Variants in RABGEF1 observed in about 807,000 individuals in gnomAD.
RABGEF1 encodes the protein RAB guanine nucleotide exchange factor 1.
Under a neutral mutation model 57.3 loss-of-function variants are expected in RABGEF1, and 26 were observed. That is an observed-to-expected ratio of 0.45 (90% CI 0.33 to 0.63). The LOEUF is 0.63. RABGEF1 is among the 20% of genes least tolerant of loss of function. RABGEF1 has a pLI of 0.02. For missense variants in RABGEF1, 464 were observed against 607.6 expected, an observed-to-expected ratio of 0.76 and a Z score of 2.48; for synonymous variants, 185 against 210.7, an observed-to-expected ratio of 0.88 and a Z score of 1.06.
At chr7:66,703,928 G>C (rs1421099794) in intron 1 of RABGEF1, among the ~76,000 whole-genome samples, 2 of 152,144 alleles carry the variant, frequency 1.3e-5, no homozygotes, top group African/African-American at 4.8e-5. Context: ...ATGAACATGG[G>C]ACGCTTTCCC....
At chr7:66,758,085 C>T (rs536335657) in intron 1 of RABGEF1, among the ~76,000 whole-genome samples, 62 of 152,218 alleles carry the variant, frequency 4.1e-4, no homozygotes, top group African/African-American at 1.5e-3. Context: ...TGGATGTTTC[C>T]TGTAAGTCCC....
At chr7:66,732,282 C>T (rs569183654) in intron 2 of RABGEF1, among the ~76,000 whole-genome samples, 161 of 152,288 alleles carry the variant, frequency 1.1e-3, no homozygotes, top group African/African-American at 3.6e-3. Context: ...GGACACGGAG[C>T]CTCATTGAGC....
At chr7:66,707,893 C>T (rs904335658) in intron 1 of RABGEF1, among the ~76,000 whole-genome samples, 3 of 151,770 alleles carry the variant, frequency 2.0e-5, no homozygotes, top group African/African-American at 7.3e-5. Flanking sequence ...TTTTTTTTGT[C>T]TTAAAGCCAA....
intron 1 of RABGEF1, among the ~76,000 whole-genome samples, chr7:66,759,543 A>G (rs1481134106): frequency 2.0e-5 from 3 of 152,180 alleles, no homozygotes; most frequent in Admixed American, 6.5e-5. Flanking sequence ...AGTAATTTAT[A>G]AAGAAAGGAG....
chr7:66,768,334 C>A (rs539670802), intron 1 of RABGEF1, among the ~76,000 whole-genome samples: 1 of 152,190 alleles, frequency 6.6e-6, no homozygotes, highest in Non-Finnish European at 1.5e-5. Context: ...GTGTATATAT[C>A]TTCTTTGTTA....
Position 66,760,442 on chromosome 7 carries a change from A to T in RABGEF1, c.-17-11441A>T, listed in dbSNP as rs374972845. ...TCCCTTGTAAAGTTGGTTAGCATGT[A>T]TTTTTTTTTTTTTTTTTTGGAGACA... On this transcript the variant is annotated intron_variant, in intron 1 of 8. Transcript: ENST00000284957. Among the ~76,000 whole-genome samples the T allele has an allele frequency of 2.5e-3, 320 of 126,098 alleles. 2 individuals are homozygous for T. Among genetic ancestry groups the T allele is most frequent in the African/African-American group, 8.6e-3 (293 of 34,128 alleles). 82.7% of individuals were successfully genotyped at this position (126,098 alleles called of 152,430 possible). A position where few individuals can be genotyped will look rare whatever the true frequency, so the allele number is the denominator to read the frequency against.
At chr7:66,761,495 T>C (rs1202766810) in intron 1 of RABGEF1, among the ~76,000 whole-genome samples, 1 of 152,182 alleles carries the variant, frequency 6.6e-6, no homozygotes, top group Non-Finnish European at 1.5e-5. Context: ...TGGGGGAAGG[T>C]GCAGAACTTC....
intron 3 of RABGEF1, among the ~76,000 whole-genome samples, chr7:66,779,670 TAAA>T (rs373692116): frequency 4.8e-5 from 6 of 124,178 alleles, no homozygotes; most frequent in African/African-American, 9.0e-5. Flanking sequence ...AGACCCTGAT[TAAA>T]AAAAAAAAAA....
the RABGEF1 span, among the ~76,000 whole-genome samples, chr7:66,673,421 T>C: frequency 1.3e-5 from 2 of 151,880 alleles, no homozygotes; most frequent in African/African-American, 2.4e-5. Context: ...GTAGAGTCAG[T>C]CATGGCTGGA....
upstream of RABGEF1, among the ~76,000 whole-genome samples, chr7:66,737,053 A>G (rs1042366818): frequency 1.1e-4 from 14 of 124,038 alleles, no homozygotes; most frequent in South Asian, 3.1e-4. Flanking sequence ...ATGAGGGGGG[A>G]GAGAGAGAGA....
intron 1 of RABGEF1, among the ~76,000 whole-genome samples, chr7:66,700,980 G>A (rs752074196): frequency 1.3e-5 from 2 of 152,188 alleles, no homozygotes; most frequent in Non-Finnish European, 2.9e-5. Flanking sequence ...GGTGGGCAGC[G>A]CTGTCTTGCA....
the RABGEF1 span, among the ~76,000 whole-genome samples, chr7:66,665,870 C>T: frequency 6.6e-6 from 1 of 152,198 alleles, no homozygotes; most frequent in Middle Eastern, 3.4e-3. Context: ...AGAGGAAAGG[C>T]GATTTCATTC....
chr7:66,712,555 C>T (rs186904086), intron 2 of RABGEF1, among the ~76,000 whole-genome samples: 320 of 150,522 alleles, frequency 2.1e-3, no homozygotes, highest in African/African-American at 7.0e-3. Flanking sequence ...ACTGCAGCCT[C>T]GACCTCCCGG....
intron 3 of RABGEF1, among the ~76,000 whole-genome samples, chr7:66,778,114 A>G (rs904151232): frequency 2.6e-5 from 4 of 152,208 alleles, no homozygotes; most frequent in African/African-American, 9.6e-5. Context: ...TGTTTGGATA[A>G]GATTAGCCTA....
chr7:66,728,077 C>T (rs371072745), intron 2 of RABGEF1, among the ~76,000 whole-genome samples: 126 of 152,278 alleles, frequency 8.3e-4, no homozygotes, highest in East Asian at 2.7e-3. Context: ...GCCCTGCCTC[C>T]GCTCCTCATC....
At chr7:66,733,741 G>A (rs376179617) in intron 2 of RABGEF1, among the ~76,000 whole-genome samples, 3 of 151,536 alleles carry the variant, frequency 2.0e-5, no homozygotes, top group African/African-American at 4.8e-5. Context: ...GGCCAGGTGC[G>A]CCTATAATCC....
At chr7:66,720,056 A>G (rs1430581936) in intron 2 of RABGEF1, among the ~76,000 whole-genome samples, 1 of 152,186 alleles carries the variant, frequency 6.6e-6, no homozygotes, top group Non-Finnish European at 1.5e-5. Context: ...TTTAACAACA[A>G]AAACAAAAAT....
chr7:66,715,832 C>T (rs1293397446), intron 2 of RABGEF1, among the ~76,000 whole-genome samples: 1 of 152,148 alleles, frequency 6.6e-6, no homozygotes. Flanking sequence ...TAGTGCACTA[C>T]AGTCTCCAAC....
chr7:66,753,701 GTTTTTTT>G (rs1224800315), intron 1 of RABGEF1, among the ~76,000 whole-genome samples: 1 of 78,764 alleles, frequency 1.3e-5, no homozygotes, highest in East Asian at 5.0e-4. Context: ...TTTTGCCATC[GTTTTTTT>G]TTTTTTTTTT....
Sources: gnomAD v4.1 joint callset for allele counts (sites outside exome capture counted in the v4.1 genomes callset) on GRCh38, gnomAD v4.1.1 for gene constraint, MANE v1.5 for transcripts, NCBI Gene and HGNC (gene_info 2026-07-23, HGNC 2026-07-21) for gene names.